Variants in SART3 observed in about 807,000 individuals in gnomAD.
SART3 encodes the protein HIV-1 Tat-interacting protein of 110kDa.
Under a neutral mutation model 122.3 loss-of-function variants are expected in SART3, and 44 were observed. The ratio of observed to expected loss-of-function variants is 0.36; its 90% confidence interval spans 0.28 to 0.46. The LOEUF (loss-of-function observed/expected upper bound fraction) is 0.46. Among genes scored for constraint, SART3 ranks in the 20% least tolerant of loss-of-function variants. The pLI is 1.00. For synonymous variants in SART3, 442 were observed against 454.0 expected (o/e 0.97, Z 0.34); for missense variants, 1,101 against 1,229.0 (o/e 0.90, Z 1.56).
chr12:108,560,947 A>T lies in SART3; in HGVS notation c.208T>A (p.Tyr70Asn). The T allele has an allele frequency of 6.2e-7, 1 of 1,613,692 alleles. No individual in the cohort carries two copies. Among genetic ancestry groups the T allele is most frequent in the Non-Finnish European group, 8.5e-7 (1 of 1,179,910 alleles). ...EGVSESDGDE[Y>N]AMASSAESSP... ...CTCTCCGCGGAGGAAGCCATGGCGT[A>T]CTCATCCCCATCGCTCTCGCTCACG... The change falls in exon 1 of 19, where the codon TAC becomes AAC. Residue 70 changes from tyrosine to asparagine, a missense_variant. Coordinates refer to ENST00000546815, the MANE Select transcript of SART3 (RefSeq NM_014706.4).
At chr12:108,558,991 C>T (rs1017229245) in intron 1 of SART3, among the ~76,000 whole-genome samples, 7 of 147,288 alleles carry the variant, frequency 4.8e-5, no homozygotes, top group African/African-American at 1.5e-4. Flanking sequence ...CGAGATCGTG[C>T]CACTGCACTC....
In SART3 at chr12:108,535,345, C is replaced by T; in HGVS notation, c.1556+14G>A. On this transcript the variant is annotated intron_variant, in intron 12 of 18. Transcript: ENST00000546815. ...GACAAGCACTGCCTCCCTCCCCACC[C>T]CGAGATCAGTTACCTTTCCAGGTTG... is the stretch of plus-strand genomic sequence containing the variant. 2 of 1,608,656 alleles carry T rather than the reference C, an allele frequency of 1.2e-6. No individual in the cohort carries two copies. Among genetic ancestry groups the T allele is most frequent in the South Asian group, 1.1e-5 (1 of 90,924 alleles).
intron 15 of SART3, among the ~76,000 whole-genome samples, chr12:108,527,928 A>G (rs4964717): frequency 0.98 from 148,921 of 152,098 alleles, 72,954 homozygotes; most frequent in African/African-American, 1. Flanking sequence ...ACCACAGCCA[A>G]CTAATTTTTG....
chr12:108,550,930 G>A (rs1244587464), intron 1 of SART3, among the ~76,000 whole-genome samples: 1 of 152,124 alleles, frequency 6.6e-6, no homozygotes, highest in Non-Finnish European at 1.5e-5. Flanking sequence ...AGAAACAGAA[G>A]AATGAGAAAC....
At chr12:108,558,374 G>C (rs1315169727) in intron 1 of SART3, among the ~76,000 whole-genome samples, 1 of 152,214 alleles carries the variant, frequency 6.6e-6, no homozygotes. Context: ...ACAGGACAAA[G>C]AGGATAAGGC....
rs1480061839 is a variant in SART3, at chr12:108,525,624, A to G, written c.2371-15T>C. On this transcript the variant is annotated splice_polypyrimidine_tract_variant and intron_variant, in intron 16 of 18. Coordinates refer to ENST00000546815, the MANE Select transcript of SART3 (RefSeq NM_014706.4). ...TACCTGAACACCTATAGGAAGAAGG[A>G]AGACAGAGAAAAACCATGATTCGAG... is the stretch of plus-strand genomic sequence containing the variant. The G allele has an allele frequency of 6.2e-7, 1 of 1,613,626 alleles. No homozygotes were observed. The highest frequency in any genetic ancestry group is 8.5e-7 in the Non-Finnish European group (1 of 1,179,644).
At chr12:108,535,271 T>G (rs1270405042) in intron 12 of SART3, 88 bp downstream of exon 12, 1 of 982,490 alleles carries the variant, frequency 1.0e-6, no homozygotes, top group African/African-American at 1.6e-5. Context: ...TCTAAGGAGC[T>G]AGTCCAAGCT....
intron 1 of SART3, among the ~76,000 whole-genome samples, chr12:108,550,506 T>G (rs2029961302): frequency 6.6e-6 from 1 of 152,204 alleles, no homozygotes; most frequent in African/African-American, 2.4e-5. Flanking sequence ...CTCCGTATAT[T>G]TTAATACCCA....
intron 1 of SART3, among the ~76,000 whole-genome samples, chr12:108,550,936 GAAACAGAAAAT>G (rs1170973548): frequency 2.0e-5 from 3 of 152,240 alleles, no homozygotes; most frequent in Non-Finnish European, 2.9e-5. Context: ...AGAAGAATGA[GAAACAGAAAAT>G]AAACAGAAAA....
chr12:108,536,286 A>G (rs1171763764), intron 11 of SART3, among the ~76,000 whole-genome samples: 1 of 152,246 alleles, frequency 6.6e-6, no homozygotes, highest in Non-Finnish European at 1.5e-5. Flanking sequence ...TTTACTGCAC[A>G]ACTTCTAGCT....
At chr12:108,552,251 C>T (rs576005083) in intron 1 of SART3, among the ~76,000 whole-genome samples, 1 of 152,174 alleles carries the variant, frequency 6.6e-6, no homozygotes, top group Admixed American at 6.5e-5. Flanking sequence ...TATAGGGTTA[C>T]CTTAACATCA....
Position 108,535,467 on chromosome 12 carries a change from G to A in SART3, c.1448C>T (p.Ala483Val). 1 of 1,613,644 alleles carries A rather than the reference G, an allele frequency of 6.2e-7. No homozygotes were observed. ...VIMQNWARIE[A>V]RLCNNMQKAR... ...TTTCTGCATGTTATTGCACAGTCGA[G>A]CCTAAAGTGCATCAGCAGGCTGTTA... is the stretch of plus-strand genomic sequence containing the variant. The change falls in exon 12 of 19, where the codon GCT (alanine) becomes GTT (valine). Residue 483 changes from alanine to valine, a missense_variant and splice_region_variant. By Grantham distance (64) the Ala-to-Val change is moderately conservative (BLOSUM62 0). This residue lies in a region of SART3 where 885 missense variants were observed against 1,080.1 expected (regional missense o/e 0.82). Transcript: ENST00000546815.
Position 108,523,145 on chromosome 12 carries a change from T to C in SART3, c.*312A>G. ...AGCTGGCCAGAAACATTTGGACAACTGTGTCTCAAAAACAGTGTGTTCTCG... is the reference window on the plus strand; with the variant it reads ...AGCTGGCCAGAAACATTTGGACAACCGTGTCTCAAAAACAGTGTGTTCTCG... On this transcript the variant is annotated 3_prime_UTR_variant, in exon 19 of 19. Coordinates refer to ENST00000546815, the MANE Select transcript of SART3 (RefSeq NM_014706.4). 6.5e-6 allele frequency: 3 copies of C among 461,288 alleles called. No homozygotes were observed. The highest frequency in any genetic ancestry group is 1.2e-5 in the Non-Finnish European group (3 of 252,014). 28.6% of individuals were successfully genotyped at this position (461,288 alleles called of 1,614,324 possible). A position where few individuals can be genotyped will look rare whatever the true frequency, so the allele number is the denominator to read the frequency against.
At chr12:108,546,963 G>A (rs1008338669) in intron 3 of SART3, among the ~76,000 whole-genome samples, 3 of 152,176 alleles carry the variant, frequency 2.0e-5, no homozygotes, top group African/African-American at 7.2e-5. Flanking sequence ...GAGATTACAG[G>A]TACGTGCCAC....
At chr12:108,552,648 C>A (rs1183430697) in intron 1 of SART3, among the ~76,000 whole-genome samples, 1 of 151,152 alleles carries the variant, frequency 6.6e-6, no homozygotes, top group Non-Finnish European at 1.5e-5. Context: ...AAAAAGTTTA[C>A]AAAATCTGTA....
chr12:108,555,766 T>G (rs79995427), intron 1 of SART3, among the ~76,000 whole-genome samples: 6,813 of 152,140 alleles, frequency 0.045, 507 homozygotes, highest in African/African-American at 0.15. Context: ...CCCTAAATAA[T>G]CCATAAATTC....
At chr12:108,550,933 T>A (rs1223576439) in intron 1 of SART3, among the ~76,000 whole-genome samples, 3 of 152,072 alleles carry the variant, frequency 2.0e-5, no homozygotes, top group Non-Finnish European at 4.4e-5. Context: ...AACAGAAGAA[T>A]GAGAAACAGA....
chr12:108,538,332 CA>C (rs1873006542), intron 7 of SART3, 129 bp from the exon 8 acceptor site: 1 of 1,035,618 alleles, frequency 9.7e-7, no homozygotes, highest in Non-Finnish European at 1.5e-6. Flanking sequence ...CTGGTTTCCT[CA>C]ACAACAACAA....
chr12:108,536,820 C>T (rs1454408866), intron 9 of SART3, 35 bp from the exon 10 acceptor site: 2 of 1,589,086 alleles, frequency 1.3e-6, no homozygotes, highest in East Asian at 4.5e-5. Context: ...TTTAGGAAAC[C>T]ACATAGCCTG....
Sources: gnomAD v4.1 joint callset for allele counts (sites outside exome capture counted in the v4.1 genomes callset) on GRCh38, gnomAD v4.1.1 for gene constraint, gnomAD v4.1.1 regional missense constraint, MANE v1.5 for transcripts, NCBI Gene and HGNC (gene_info 2026-07-23, HGNC 2026-07-21) for gene names.